Variants in RABGAP1 observed in about 807,000 individuals in gnomAD.
RABGAP1 encodes RAB GTPase activating protein 1, also known as rab GTPase-activating protein 1.
Under a neutral mutation model 137.6 loss-of-function variants are expected in RABGAP1, and 23 were observed. The ratio of observed to expected loss-of-function variants is 0.17; its 90% confidence interval spans 0.12 to 0.24. The LOEUF is 0.24. Ranked by LOEUF, RABGAP1 falls within the 10% of genes least tolerant of loss-of-function variation. RABGAP1 has a pLI of 1.00. For synonymous variants in RABGAP1, 451 were observed against 450.7 expected, an observed-to-expected ratio of 1.00 and a Z score of -0.01; for missense variants, 906 against 1,275.8, an observed-to-expected ratio of 0.71 and a Z score of 4.42.
intron 21 of RABGAP1, 112 bp from the exon 22 acceptor site, chr9:123,097,629 C>T: frequency 1.2e-6 from 1 of 858,508 alleles, no homozygotes; most frequent in Non-Finnish European, 1.8e-6. Flanking sequence ...TATAATTTCC[C>T]CTCTCTGAAT....
At chr9:123,010,646 T>C in intron 11 of RABGAP1, 118 bp downstream of exon 11, 1 of 967,634 alleles carries the variant, frequency 1.0e-6, no homozygotes, top group East Asian at 2.6e-5. Context: ...AATGAATTCC[T>C]TATGAGAGTT....
At chr9:123,073,083 A>G (rs1250035913) in intron 15 of RABGAP1, among the ~76,000 whole-genome samples, 1 of 152,206 alleles carries the variant, frequency 6.6e-6, no homozygotes, top group Non-Finnish European at 1.5e-5. Flanking sequence ...AGGAAGAAAA[A>G]CAATTTTGCT....
intron 2 of RABGAP1, among the ~76,000 whole-genome samples, chr9:122,983,340 T>C (rs1439562316): frequency 6.6e-6 from 1 of 152,188 alleles, no homozygotes; most frequent in East Asian, 1.9e-4. Flanking sequence ...ACAGAAATTG[T>C]CATTGAAGCC....
At chr9:123,016,214 C>G (rs1310681897) in intron 12 of RABGAP1, among the ~76,000 whole-genome samples, 1 of 152,180 alleles carries the variant, frequency 6.6e-6, no homozygotes, top group African/African-American at 2.4e-5. Context: ...AAAAAGAATA[C>G]ATTGCCTTCA....
chr9:123,034,831 C>T (rs1329377371), intron 13 of RABGAP1: 3 of 1,613,932 alleles, frequency 1.9e-6, no homozygotes, highest in Non-Finnish European at 2.5e-6. Flanking sequence ...TTCTTTATCA[C>T]TCCTCCATCA....
At position 123,073,738 on chromosome 9, in the gene RABGAP1, T is replaced by A. The variant is rs995783901; in HGVS notation, c.2109+61T>A. 18 of 1,597,522 alleles carry A rather than the reference T, an allele frequency of 1.1e-5. No homozygotes were observed. The African/African-American group carries it at 2.3e-4, about 20-fold the overall frequency. On this transcript the variant is annotated intron_variant, in intron 16 of 25. Coordinates refer to ENST00000373647, the MANE Select transcript of RABGAP1 (RefSeq NM_012197.4). ...AGTACAGGACTAAGGAGCACCAAAT[T>A]GAGGAAATGGTGCCAGGGAGCATTG...
In RABGAP1 at chr9:123,021,785, G is replaced by C. The variant is rs914455849; in HGVS notation, c.1794+1326G>C. Among the ~76,000 whole-genome samples the C allele has an allele frequency of 4.6e-5, 7 of 152,314 alleles. No individual in the cohort carries two copies. The East Asian group carries it at 7.7e-4, about 17-fold the overall frequency. ...TTAAGTTGATATAATTGTTTAGCTA[G>C]TATTTATCGTTGAGTAACTGTTACA... On this transcript the variant is annotated intron_variant, in intron 13 of 25. Coordinates refer to ENST00000373647, the MANE Select transcript of RABGAP1 (RefSeq NM_012197.4).
chr9:123,076,552 A>C (rs2034516751), intron 18 of RABGAP1, 82 bp from the exon 19 acceptor site: 1 of 1,437,948 alleles, frequency 7.0e-7, no homozygotes, highest in African/African-American at 1.5e-5. Flanking sequence ...AAAAGTGCTG[A>C]AAAGTGCTGA....
At chr9:123,050,141 T>C (rs2033391226) in intron 13 of RABGAP1, among the ~76,000 whole-genome samples, 2 of 152,238 alleles carry the variant, frequency 1.3e-5, no homozygotes, top group South Asian at 4.1e-4. Context: ...GAAATGCCTT[T>C]AGTTACCTCC....
intron 11 of RABGAP1, among the ~76,000 whole-genome samples, chr9:123,012,787 A>G (rs2030918960): frequency 6.6e-6 from 1 of 152,228 alleles, no homozygotes; most frequent in Non-Finnish European, 1.5e-5. Flanking sequence ...CCTAGAATTC[A>G]TTTTTATAGT....
At position 122,987,471 on chromosome 9, in the gene RABGAP1, C is replaced by CAT. The variant is rs560284949; in HGVS notation, c.590+1060_590+1061dup. On this transcript the variant is annotated intron_variant, in intron 4 of 25. Coordinates refer to ENST00000373647, the MANE Select transcript of RABGAP1 (RefSeq NM_012197.4). The stretch of plus-strand genomic sequence containing the variant: ...GTCTAGGTATATGTAAATATACCTG[C>CAT]ATATATATACATACATAATTTACAA... 3.2e-3 allele frequency among the ~76,000 whole-genome samples: 494 copies of CAT among 152,004 alleles called. 4 individuals carry two copies. The highest frequency in any genetic ancestry group is 6.9e-3 in the South Asian group (33 of 4,814).
At chr9:123,074,477 G>T (rs2034453060) in intron 17 of RABGAP1, 49 bp downstream of exon 17, 1 of 1,515,692 alleles carries the variant, frequency 6.6e-7, no homozygotes, top group Non-Finnish European at 9.0e-7. Context: ...CAGTGTACTT[G>T]AGGAGAACAG....
intron 1 of RABGAP1, among the ~76,000 whole-genome samples, chr9:122,953,921 A>G (rs914955480): frequency 6.6e-6 from 1 of 152,214 alleles, no homozygotes; most frequent in African/African-American, 2.4e-5. Flanking sequence ...TAGGGGTCCA[A>G]CACTTAATCA....
intron 1 of RABGAP1, among the ~76,000 whole-genome samples, chr9:122,955,979 A>G (rs931039031): frequency 6.6e-6 from 1 of 152,220 alleles, no homozygotes; most frequent in Non-Finnish European, 1.5e-5. Flanking sequence ...AAACATTGCC[A>G]CAAAGTTTGC....
the RABGAP1 span, among the ~76,000 whole-genome samples, chr9:122,933,443 T>A: frequency 1.4e-5 from 2 of 147,276 alleles, no homozygotes; most frequent in Non-Finnish European, 3.0e-5. Flanking sequence ...TTCATTAAAT[T>A]ATTATTATTA....
intron 2 of RABGAP1, among the ~76,000 whole-genome samples, chr9:122,973,684 T>C (rs938258120): frequency 6.6e-6 from 1 of 152,156 alleles, no homozygotes; most frequent in Non-Finnish European, 1.5e-5. Flanking sequence ...GAAACTAATC[T>C]TCTGATTTGG....
intron 13 of RABGAP1, among the ~76,000 whole-genome samples, chr9:123,023,892 TGCTTA>T (rs1282793256): frequency 2.0e-5 from 3 of 152,162 alleles, no homozygotes; most frequent in Non-Finnish European, 4.4e-5. Flanking sequence ...ATTTTTTTTT[TGCTTA>T]GCTTCTTCAA....
chr9:122,942,404 C>T (rs906720813), intron 1 of RABGAP1, among the ~76,000 whole-genome samples: 1 of 152,002 alleles, frequency 6.6e-6, no homozygotes, highest in Non-Finnish European at 1.5e-5. Context: ...GGGCCGGGTG[C>T]GTTCACGCCT....
chr9:122,944,034 A>T (rs1833782661), intron 1 of RABGAP1, among the ~76,000 whole-genome samples: 1 of 152,238 alleles, frequency 6.6e-6, no homozygotes, highest in Admixed American at 6.5e-5. Flanking sequence ...ATTATTTCCC[A>T]GTAGTTTTAA....
Sources: gnomAD v4.1 joint callset for allele counts (sites outside exome capture counted in the v4.1 genomes callset) on GRCh38, gnomAD v4.1.1 for gene constraint, MANE v1.5 for transcripts, NCBI Gene and HGNC (gene_info 2026-07-23, HGNC 2026-07-21) for gene names.